Variants in BCL9 observed in about 807,000 individuals in gnomAD.
The protein encoded by BCL9 is BCL9 transcription coactivator, also known as B-cell CLL/lymphoma 9 protein.
In BCL9, 25 loss-of-function variants were observed where a neutral mutation model predicts 88.5. That is an observed-to-expected ratio of 0.28 (90% confidence interval 0.21 to 0.39). BCL9 has a LOEUF of 0.39. Ranked by LOEUF, BCL9 falls within the 10% of genes least tolerant of loss-of-function variation. BCL9 has a pLI of 1.00. For synonymous variants in BCL9, 711 were observed against 673.3 expected, an observed-to-expected ratio of 1.06 and a Z score of -0.87; for missense variants, 1,817 against 1,877.8, an observed-to-expected ratio of 0.97 and a Z score of 0.60.
chr1:147,603,491 G>A (rs1281119872), intron 1 of BCL9, among the ~76,000 whole-genome samples: 3 of 152,018 alleles, frequency 2.0e-5, no homozygotes, highest in African/African-American at 7.2e-5. Context: ...CTCTAGATCA[G>A]GGTTTTTTGT....
chr1:147,559,898 C>T (rs1248062788), intron 1 of BCL9, among the ~76,000 whole-genome samples: 3 of 152,130 alleles, frequency 2.0e-5, no homozygotes, highest in Non-Finnish European at 4.4e-5. Context: ...TCCTGAAGGC[C>T]AGGAACTAAG....
intron 1 of BCL9, among the ~76,000 whole-genome samples, chr1:147,572,523 G>A (rs1156329366): frequency 2.6e-5 from 4 of 152,230 alleles, no homozygotes; most frequent in Non-Finnish European, 5.9e-5. Context: ...TGACCAGCCA[G>A]TATGCATTCT....
chr1:147,622,241 C>T (rs782423944), intron 8 of BCL9, 30 bp from the exon 9 acceptor site: 6 of 1,612,820 alleles, frequency 3.7e-6, no homozygotes, highest in South Asian at 2.2e-5. Flanking sequence ...TAATTCCCTG[C>T]CCGTTTTGTT....
In BCL9 at chr1:147,620,713, G is replaced by A; in HGVS notation, c.2558G>A (p.Ser853Asn). The A allele has an allele frequency of 6.2e-7, 1 of 1,614,184 alleles. No homozygotes were observed. Among genetic ancestry groups the A allele is most frequent in the Non-Finnish European group, 8.5e-7 (1 of 1,180,040 alleles). The change falls in exon 8 of 10, where the codon AGC becomes AAC. Residue 853 changes from serine (S) to asparagine (N), a missense_variant. Physicochemically the swap from Ser to Asn is conservative, Grantham distance 46. Around this residue, in one of 2 missense-constraint regions of BCL9, gnomAD observed 1,228 missense variants for 1,191.6 expected, o/e 1.03. Transcript: ENST00000234739. The stretch of plus-strand genomic sequence containing the variant: ...CCCTTGGATATATCTGTGGCAGGCA[G>A]CCAGGTGCATTCCCCAGGCATTAAC... ...RKPLDISVAG[S>N]QVHSPGINPL...
Position 147,623,905 on chromosome 1 carries a change from C to T in BCL9, c.3227C>T (p.Thr1076Ile), listed in dbSNP as rs1263028626. The T allele has an allele frequency of 1.9e-6, 3 of 1,614,070 alleles. No individual in the cohort carries two copies. The highest frequency in any genetic ancestry group is 2.2e-5 in the South Asian group (2 of 91,094). The change falls in exon 10 of 10, where the codon ACC becomes ATC. Residue 1076 changes from threonine (T) to isoleucine (I), a missense_variant. Thr to Ile is a moderately conservative substitution (Grantham distance 89). Coordinates refer to ENST00000234739, the MANE Select transcript of BCL9 (RefSeq NM_004326.4). ...CCAAACCCCGTGGTTCCGATGCCAACCCTCAGCCCAATGGGAATGACCCAG... is the reference window on the plus strand; with the variant it reads ...CCAAACCCCGTGGTTCCGATGCCAATCCTCAGCCCAATGGGAATGACCCAG... ...SGPNPVVPMP[T>I]LSPMGMTQPL...
At chr1:147,618,635 T>TAAA (rs879959539) in intron 7 of BCL9, among the ~76,000 whole-genome samples, 181 bp from the exon 8 acceptor site, 1 of 147,564 alleles carries the variant, frequency 6.8e-6, no homozygotes, top group Non-Finnish European at 1.5e-5. Flanking sequence ...ACAGTAAGTT[T>TAAA]AAAAAAAAAA....
chr1:147,549,917 C>T (rs775417085), intron 1 of BCL9, among the ~76,000 whole-genome samples: 68 of 152,132 alleles, frequency 4.5e-4, no homozygotes, highest in Non-Finnish European at 7.9e-4. Context: ...TTTTTAATTA[C>T]ACCCCTAATT....
intron 6 of BCL9, 58 bp downstream of exon 6, chr1:147,614,674 T>TA: frequency 1.4e-6 from 2 of 1,474,260 alleles, no homozygotes; most frequent in South Asian, 2.6e-5. Context: ...CCTAAATTCT[T>TA]ATTCCCATTG....
chr1:147,549,679 C>A (rs662997), intron 1 of BCL9, among the ~76,000 whole-genome samples: 11,032 of 152,254 alleles, frequency 0.072, 718 homozygotes, highest in African/African-American at 0.18. Flanking sequence ...AGGACTGACT[C>A]ACTCAGGTTT....
chr1:147,591,072 G>A (rs929742011), intron 1 of BCL9, among the ~76,000 whole-genome samples: 4 of 152,112 alleles, frequency 2.6e-5, no homozygotes, highest in African/African-American at 9.7e-5. Flanking sequence ...TCTGGACTGT[G>A]CTTTTTAACT....
At chr1:147,560,535 A>C (rs150257843) in intron 1 of BCL9, among the ~76,000 whole-genome samples, 1,868 of 150,846 alleles carry the variant, frequency 0.012, 20 homozygotes, top group East Asian at 0.054. Flanking sequence ...TGAACCCGAG[A>C]GGCGGAGGTT....
chr1:147,566,757 AAAAAAAAAG>A (rs782085226), intron 1 of BCL9, among the ~76,000 whole-genome samples: 67 of 410 alleles, frequency 0.16, no homozygotes, highest in Non-Finnish European at 0.27. Flanking sequence ...ACGCTGTCTC[AAAAAAAAAG>A]AAAAAAAAAG....
chr1:147,601,987 G>A (rs1356682657), intron 1 of BCL9, among the ~76,000 whole-genome samples: 3 of 152,058 alleles, frequency 2.0e-5, no homozygotes, highest in Non-Finnish European at 4.4e-5. Context: ...TGCAACCTCC[G>A]CCTCCCAGGT....
At chr1:147,588,598 G>A (rs587672141) in intron 1 of BCL9, among the ~76,000 whole-genome samples, 36 of 152,214 alleles carry the variant, frequency 2.4e-4, no homozygotes, top group Non-Finnish European at 4.3e-4. Flanking sequence ...TCCATGGGGC[G>A]GGGTGGGGCG....
rs781896784 is a variant in BCL9 at position 147,620,623 on chromosome 1, A to C, written c.2468A>C (p.Asn823Thr). ...RLSHMPPLPL[N>T]PSSNPTSLNT... is the part of the protein sequence containing the mutation. Reference sequence around the variant, plus strand: ...AGTCATATGCCACCACTACCTCTCAACCCTTCCAGTAACCCCACCAGCCTC... The same window carrying C: ...AGTCATATGCCACCACTACCTCTCACCCCTTCCAGTAACCCCACCAGCCTC... The change falls in exon 8 of 10, where the codon AAC becomes ACC. Residue 823 changes from asparagine to threonine, a missense_variant. This residue lies in a region of BCL9 where 1,228 missense variants were observed against 1,191.6 expected (regional missense o/e 1.03). Transcript: ENST00000234739. 5.6e-6 allele frequency: 9 copies of C among 1,613,728 alleles called. No individual in the cohort carries two copies. Among genetic ancestry groups the C allele is most frequent in the Middle Eastern group, 1.6e-4 (1 of 6,080 alleles).
chr1:147,621,545 TCA>T (rs57373269), intron 8 of BCL9, among the ~76,000 whole-genome samples: 8,247 of 152,266 alleles, frequency 0.054, 303 homozygotes, highest in Non-Finnish European at 0.078. Flanking sequence ...ACCACTGTTT[TCA>T]CAGATCAGCT....
At chr1:147,600,137 G>T (rs1444682668) in intron 1 of BCL9, 1 of 152,790 alleles carries the variant, frequency 6.5e-6, no homozygotes, top group Non-Finnish European at 1.5e-5. Context: ...AGCCGGAAAG[G>T]GGGAGGCGCC....
rs1557836042 is a variant in BCL9, at chr1:147,581,911, A to G, written c.-477-22866A>G. Reference sequence around the variant, plus strand: ...ACTTCTGATTCTGGATTTTTTTCCAATTTATTTTAAACATAATATTTATAC... The same window carrying G: ...ACTTCTGATTCTGGATTTTTTTCCAGTTTATTTTAAACATAATATTTATAC... On this transcript the variant is annotated intron_variant, in intron 1 of 9. Transcript: ENST00000234739. 2.0e-5 allele frequency among the ~76,000 whole-genome samples: 3 copies of G among 152,094 alleles called. No homozygotes were observed. The South Asian group carries it at 6.2e-4, about 32-fold the overall frequency.
chr1:147,556,246 G>A (rs1451882904), intron 1 of BCL9, among the ~76,000 whole-genome samples: 2 of 150,522 alleles, frequency 1.3e-5, no homozygotes, highest in African/African-American at 4.9e-5. Flanking sequence ...GGCCTCCTGA[G>A]TAGCTGGGAT....
Sources: allele counts gnomAD v4.1 joint callset (sites outside exome capture counted in the v4.1 genomes callset), GRCh38; gene constraint gnomAD v4.1.1; regional missense constraint gnomAD v4.1.1; transcripts MANE v1.5; gene names NCBI Gene and HGNC (gene_info 2026-07-23, HGNC 2026-07-21).